Variants in TRAPPC11 observed in about 807,000 individuals in gnomAD.
The protein encoded by TRAPPC11 is trafficking protein particle complex subunit 11.
TRAPPC11 carries 104 observed loss-of-function variants against 151.2 expected under a neutral mutation model. The ratio of observed to expected loss-of-function variants is 0.69; its 90% CI spans 0.59 to 0.81. The LOEUF (loss-of-function observed/expected upper bound fraction) is 0.81, where lower values mean the gene tolerates loss of function less well. TRAPPC11 is among the 30% of genes least tolerant of loss of function. TRAPPC11 has a pLI of 0.00. For synonymous variants in TRAPPC11, 456 were observed against 472.3 expected (o/e 0.97, Z 0.45); for missense variants, 1,230 against 1,349.6 (o/e 0.91, Z 1.39).
chr4:183,700,681 T>C (rs972812389), intron 25 of TRAPPC11, among the ~76,000 whole-genome samples: 1 of 152,176 alleles, frequency 6.6e-6, no homozygotes, highest in African/African-American at 2.4e-5. Context: ...GTGCTATTAG[T>C]AATACAGGCT....
intron 18 of TRAPPC11, 116 bp from the exon 19 acceptor site, chr4:183,691,200 G>A (rs1736240652): frequency 1.3e-6 from 1 of 771,962 alleles, no homozygotes; most frequent in African/African-American, 1.8e-5. Flanking sequence ...CCTTTTATTA[G>A]TAACCCTTCA....
intron 10 of TRAPPC11, among the ~76,000 whole-genome samples, chr4:183,681,712 G>A (rs1019586663): frequency 3.3e-5 from 5 of 151,902 alleles, no homozygotes; most frequent in South Asian, 2.1e-4. Flanking sequence ...CCTGGGAGGC[G>A]GGGCTTGCAG....
intron 22 of TRAPPC11, among the ~76,000 whole-genome samples, chr4:183,694,289 A>G (rs1354150032): frequency 6.6e-6 from 1 of 152,202 alleles, no homozygotes; most frequent in East Asian, 1.9e-4. Flanking sequence ...ATTGTTTGTA[A>G]CTTAGTGCAG....
Position 183,666,403 on chromosome 4 carries a change from C to T in TRAPPC11, c.351C>T (p.Cys117=), listed in dbSNP as rs372764730. The change falls in exon 3 of 30, where the codon TGC becomes TGT. Residue 117 remains cysteine, a synonymous_variant. Transcript: ENST00000334690. ...AGTGGAAAGAAAAGCAGTCTGAGTG[C>T]GCCACCAGAGTGGAAATAGTCAGGT... ...EPQWKEKQSE[C]ATRVEIVRQS... 2.2e-5 allele frequency: 36 copies of T among 1,613,534 alleles called. No homozygotes were observed. The highest frequency in any genetic ancestry group is 1.6e-4 in the Middle Eastern group (1 of 6,074).
chr4:183,677,863 A>G (rs1290765729), intron 8 of TRAPPC11, among the ~76,000 whole-genome samples: 1 of 152,110 alleles, frequency 6.6e-6, no homozygotes, highest in Non-Finnish European at 1.5e-5. Context: ...GTTTTAAAGG[A>G]TAAAATTATT....
intron 5 of TRAPPC11, among the ~76,000 whole-genome samples, chr4:183,669,537 G>A (rs1735044098): frequency 6.6e-6 from 1 of 152,154 alleles, no homozygotes; most frequent in African/African-American, 2.4e-5. Context: ...AGGCTTCAAC[G>A]AAGCCTTCAT....
chr4:183,685,471 A>G, intron 17 of TRAPPC11, 68 bp downstream of exon 17: 14 of 1,496,382 alleles, frequency 9.4e-6, no homozygotes, highest in East Asian at 4.6e-5. Context: ...GAATAGGTGC[A>G]GAATAATAAA....
Position 183,681,521 on chromosome 4 carries a change from C to T in TRAPPC11, c.1114-1211C>T, listed in dbSNP as rs548661226. Among the ~76,000 whole-genome samples, 10 of 152,302 alleles carry T rather than the reference C, an allele frequency of 6.6e-5. No individual in the cohort carries two copies. In the South Asian group the frequency reaches 2.1e-3, roughly 32 times the overall value. ...ATGGGCCGGGTGCGGTGGCTCACGC[C>T]TGTAATCCCAGCACTTTGGGAGGCT... is the stretch of plus-strand genomic sequence containing the variant. On this transcript the variant is annotated intron_variant, in intron 10 of 29. Transcript: ENST00000334690.
chr4:183,706,644 A>T, intron 27 of TRAPPC11, 163 bp from the exon 28 acceptor site: 2 of 662,840 alleles, frequency 3.0e-6, no homozygotes, highest in East Asian at 2.8e-5. Context: ...TCATAGTCTT[A>T]TTGCTGTTGT....
At chr4:183,686,510 A>G in intron 17 of TRAPPC11, 108 bp from the exon 18 acceptor site, 2 of 1,234,676 alleles carry the variant, frequency 1.6e-6, no homozygotes, top group Non-Finnish European at 2.2e-6. Context: ...GTCAGTAAGA[A>G]TGGTCAGTGC....
chr4:183,708,750 A>G (rs1241163270), intron 29 of TRAPPC11, among the ~76,000 whole-genome samples, 176 bp downstream of exon 29: 2 of 152,204 alleles, frequency 1.3e-5, no homozygotes, highest in East Asian at 3.8e-4. Flanking sequence ...TATAGAATCT[A>G]ATTTCAAAGA....
chr4:183,692,919 A>G (rs1185481127), intron 19 of TRAPPC11, 41 bp from the exon 20 acceptor site: 2 of 1,563,194 alleles, frequency 1.3e-6, no homozygotes, highest in Non-Finnish European at 1.7e-6. Flanking sequence ...TGACAAGCAC[A>G]TATGAGATGA....
intron 1 of TRAPPC11, among the ~76,000 whole-genome samples, chr4:183,662,430 G>A (rs571760341): frequency 6.6e-6 from 1 of 150,832 alleles, no homozygotes; most frequent in South Asian, 2.1e-4. Context: ...TATAATGACA[G>A]TCTTGTTCGG....
intron 6 of TRAPPC11, 92 bp from the exon 7 acceptor site, chr4:183,675,072 C>T (rs896939207): frequency 1.5e-6 from 1 of 685,540 alleles, no homozygotes; most frequent in Non-Finnish European, 2.2e-6. Flanking sequence ...GAATATTTTT[C>T]TTCATTCTTT....
In TRAPPC11 at chr4:183,694,672, C is replaced by A; in HGVS notation, c.2577C>A (p.Tyr859Ter). ...GSRMFLVYVS[Y>*]LINTTVEEKE... The stretch of plus-strand genomic sequence containing the variant: ...GAATGTTTCTTGTATATGTTTCTTA[C>A]CTGATAAATACAACCGTTGAAGAAA... The change falls in exon 23 of 30, where the codon TAC becomes TAA. Residue 859 changes from tyrosine to a stop codon, truncating the protein, a stop_gained. Coordinates refer to ENST00000334690, the MANE Select transcript of TRAPPC11 (RefSeq NM_021942.6). LOFTEE classifies it high-confidence loss of function. 6.2e-7 allele frequency: 1 copy of A among 1,609,752 alleles called. No individual in the cohort carries two copies. Among genetic ancestry groups the A allele is most frequent in the Non-Finnish European group, 8.5e-7 (1 of 1,178,838 alleles).
At chr4:183,667,855 CAAG>C in intron 4 of TRAPPC11, 145 bp from the exon 5 acceptor site, 1 of 654,282 alleles carries the variant, frequency 1.5e-6, no homozygotes, top group East Asian at 2.7e-5. Flanking sequence ...ACAGAGCTCT[CAAG>C]GAGCCCAGGA....
intron 18 of TRAPPC11, among the ~76,000 whole-genome samples, chr4:183,688,209 A>G (rs1176982433): frequency 6.6e-6 from 1 of 152,226 alleles, no homozygotes; most frequent in Admixed American, 6.5e-5. Context: ...TAGGTAATGA[A>G]GACTAAATTA....
intron 5 of TRAPPC11, among the ~76,000 whole-genome samples, chr4:183,673,153 A>T (rs1204879262): frequency 6.6e-6 from 1 of 151,792 alleles, no homozygotes; most frequent in Non-Finnish European, 1.5e-5. Flanking sequence ...TATTAGAGAC[A>T]GGGTTTCACC....
At chr4:183,699,663 A>G (rs913857822) in intron 25 of TRAPPC11, among the ~76,000 whole-genome samples, 1 of 152,192 alleles carries the variant, frequency 6.6e-6, no homozygotes, top group Non-Finnish European at 1.5e-5. Context: ...TCCAAAAAAC[A>G]AGGTGTCAGC....
Sources: gnomAD v4.1 joint callset for allele counts (sites outside exome capture counted in the v4.1 genomes callset) on GRCh38, gnomAD v4.1.1 for gene constraint, MANE v1.5 for transcripts, NCBI Gene and HGNC (gene_info 2026-07-23, HGNC 2026-07-21) for gene names.